The following PEX1 variants were observed in gnomAD, a reference collection of about 807,000 sequenced individuals.
PEX1 encodes the protein peroxisomal ATPase PEX1.
A neutral mutation model predicts 152.5 loss-of-function variants in PEX1; 97 were observed. The ratio of observed to expected loss-of-function variants is 0.64; its 90% confidence interval spans 0.54 to 0.75. The LOEUF is 0.75. PEX1 is among the 30% of genes least tolerant of loss of function. The pLI is 0.00. For missense variants in PEX1, 1,357 were observed against 1,516.3 expected, an observed-to-expected ratio of 0.89 and a Z score of 1.74; for synonymous variants, 485 against 531.6, an observed-to-expected ratio of 0.91 and a Z score of 1.21.
intron 1 of PEX1, among the ~76,000 whole-genome samples, chr7:92,524,887 C>T (rs866112613): frequency 1.1e-4 from 16 of 152,158 alleles, no homozygotes; most frequent in Middle Eastern, 3.4e-3. Flanking sequence ...TCATCAGAGT[C>T]AGCAATACAT....
rs1791924277 is a variant in PEX1, at chr7:92,501,507, CTTGG to C, written c.2579_2582del (p.Ala860GlyfsTer30). The C allele has an allele frequency of 1.2e-6, 2 of 1,612,368 alleles. No homozygotes were observed. The highest frequency in any genetic ancestry group is 2.2e-5 in the East Asian group (1 of 44,850). On this transcript the variant is annotated frameshift_variant and splice_region_variant, in exon 15 of 24. Transcript: ENST00000248633. LOFTEE classifies it high-confidence loss of function. ...TCACTTTTTCTTTTTTTAAACATAC[CTTGG>C]CAGGTAACTGGATAGTATCCATGAG...
chr7:92,509,868 G>A (rs958560743), intron 8 of PEX1, among the ~76,000 whole-genome samples: 1 of 152,160 alleles, frequency 6.6e-6, no homozygotes, highest in African/African-American at 2.4e-5. Flanking sequence ...TCTTGGCTGG[G>A]TGTGGTGGTT....
At chr7:92,523,754 C>T (rs1793149057) in intron 1 of PEX1, among the ~76,000 whole-genome samples, 1 of 152,064 alleles carries the variant, frequency 6.6e-6, no homozygotes, top group South Asian at 2.1e-4. Flanking sequence ...TCACTTGAGT[C>T]AGGGAGGTTG....
At chr7:92,510,888 T>C (rs1026109829) in intron 8 of PEX1, 56 bp downstream of exon 8, 2 of 949,352 alleles carry the variant, frequency 2.1e-6, no homozygotes, top group Non-Finnish European at 3.4e-6. Flanking sequence ...CATACTTTAT[T>C]ATCAATCATA....
chr7:92,522,692 A>G (rs1165876973), intron 1 of PEX1, among the ~76,000 whole-genome samples: 4 of 152,220 alleles, frequency 2.6e-5, no homozygotes, highest in Non-Finnish European at 5.9e-5. Context: ...ATAAGATATA[A>G]ATTTACTATT....
In PEX1 at chr7:92,490,004, C is replaced by T. The variant is rs1791202364; in HGVS notation, c.3439-93G>A. On this transcript the variant is annotated intron_variant, in intron 21 of 23. Coordinates refer to ENST00000248633, the MANE Select transcript of PEX1 (RefSeq NM_000466.3). Reference sequence around the variant, plus strand: ...AAATATAAAAATTAAACATTTTAAGCAATAAAACATTAACATAGATAAGTA... The same window carrying T: ...AAATATAAAAATTAAACATTTTAAGTAATAAAACATTAACATAGATAAGTA... 4 of 981,880 alleles carry T rather than the reference C, an allele frequency of 4.1e-6. No individual in the cohort carries two copies. The African/African-American group carries it at 6.5e-5, about 16-fold the overall frequency. 60.8% of individuals were successfully genotyped at this position (981,880 alleles called of 1,614,324 possible).
Position 92,487,301 on chromosome 7 carries a change from C to T in PEX1, c.*156G>A. The T allele has an allele frequency of 9.3e-6, 5 of 537,690 alleles. No individual in the cohort carries two copies. Among genetic ancestry groups the T allele is most frequent in the Admixed American group, 3.4e-5 (1 of 29,432 alleles). The allele number at this position is 537,690 out of a possible 1,614,324, so 33.3% of individuals were successfully genotyped here. On this transcript the variant is annotated 3_prime_UTR_variant, in exon 24 of 24. Coordinates refer to ENST00000248633, the MANE Select transcript of PEX1 (RefSeq NM_000466.3). Reference sequence around the variant, plus strand: ...CTACAGTATTAATCTCAATCCTGATCATTACATAATTATAGCATTTACCAA... The same window carrying T: ...CTACAGTATTAATCTCAATCCTGATTATTACATAATTATAGCATTTACCAA...
At chr7:92,501,240 CTTGAGCCCAGGAGT>C (rs988310908) in intron 15 of PEX1, among the ~76,000 whole-genome samples, 3 of 152,152 alleles carry the variant, frequency 2.0e-5, no homozygotes, top group African/African-American at 4.8e-5. Flanking sequence ...AGGAGGATTG[CTTGAGCCCAGGAGT>C]TTGAGGTTGC....
intron 6 of PEX1, 59 bp from the exon 7 acceptor site, chr7:92,511,762 C>G: frequency 6.9e-7 from 1 of 1,459,040 alleles, no homozygotes; most frequent in African/African-American, 1.4e-5. Context: ...CTTTAACACC[C>G]TTATTTTAAC....
chr7:92,501,569 TGTC>T lies in PEX1; in HGVS notation c.2518_2520del (p.Asp840del), dbSNP rs1385204416. On this transcript the variant is annotated inframe_deletion, in exon 15 of 24. Coordinates refer to ENST00000248633, the MANE Select transcript of PEX1 (RefSeq NM_000466.3). Reference sequence around the variant, plus strand: ...CTAACTTCATGTAACCCACCAATCTTGTCCCAACCCAGGTCTCTAGGTTTATGC... The same window carrying T: ...CTAACTTCATGTAACCCACCAATCTTCCAACCCAGGTCTCTAGGTTTATGC... 1.2e-6 allele frequency: 2 copies of T among 1,613,868 alleles called. No individual in the cohort carries two copies. Among genetic ancestry groups the T allele is most frequent in the East Asian group, 4.5e-5 (2 of 44,886 alleles).
chr7:92,491,208 G>A (rs560401653), intron 21 of PEX1, 64 bp downstream of exon 21: 4 of 1,150,248 alleles, frequency 3.5e-6, no homozygotes, highest in Non-Finnish European at 5.3e-6. Flanking sequence ...AGAAATCACT[G>A]CAACTTTACA....
chr7:92,504,973 A>C, intron 11 of PEX1, 71 bp from the exon 12 acceptor site: 1 of 1,124,420 alleles, frequency 8.9e-7, no homozygotes, highest in South Asian at 1.2e-5. Context: ...GTCCTTTTGA[A>C]AGCACTAGAA....
chr7:92,504,794 A>T lies in PEX1; in HGVS notation c.2009T>A (p.Leu670Gln). 1 of 1,614,208 alleles carries T rather than the reference A, an allele frequency of 6.2e-7. No homozygotes were observed. The highest frequency in any genetic ancestry group is 8.5e-7 in the Non-Finnish European group (1 of 1,180,016). Reference sequence around the variant, plus strand: ...GTGCTCATGTTCCGGGACAGCAGGCAGTCCAGCAATGAGGTCAAGGTCATC... The same window carrying T: ...GTGCTCATGTTCCGGGACAGCAGGCTGTCCAGCAATGAGGTCAAGGTCATC... ...LLDDLDLIAG[L>Q]PAVPEHEHSP... The change falls in exon 12 of 24, where the codon CTG becomes CAG. Residue 670 changes from leucine (L) to glutamine (Q), a missense_variant. Leu to Gln is a moderately radical substitution (Grantham distance 113). Coordinates refer to ENST00000248633, the MANE Select transcript of PEX1 (RefSeq NM_000466.3).
chr7:92,518,641 C>T (rs1294543275), intron 3 of PEX1, among the ~76,000 whole-genome samples: 1 of 152,238 alleles, frequency 6.6e-6, no homozygotes, highest in African/African-American at 2.4e-5. Context: ...AAGATCCTGA[C>T]TCACTGCAGC....
intron 1 of PEX1, among the ~76,000 whole-genome samples, chr7:92,524,258 G>A (rs1034507564): frequency 6.9e-6 from 1 of 143,998 alleles, no homozygotes; most frequent in African/African-American, 2.6e-5. Flanking sequence ...CAGTCTTTAT[G>A]TTTCTTGCTT....
At chr7:92,521,494 G>A (rs1446866623) in intron 2 of PEX1, among the ~76,000 whole-genome samples, 2 of 151,792 alleles carry the variant, frequency 1.3e-5, no homozygotes, top group East Asian at 3.9e-4. Context: ...AAGTGCAGCA[G>A]TGCAATCTCA....
chr7:92,512,064 G>A (rs1036994240), intron 6 of PEX1, among the ~76,000 whole-genome samples: 1 of 152,122 alleles, frequency 6.6e-6, no homozygotes, highest in Non-Finnish European at 1.5e-5. Flanking sequence ...ACAGAATCTC[G>A]CTGTATCGCC....
chr7:92,508,054 C>T (rs1237513795), intron 9 of PEX1, among the ~76,000 whole-genome samples: 3 of 152,092 alleles, frequency 2.0e-5, no homozygotes, highest in Non-Finnish European at 4.4e-5. Context: ...CCTCTAGCCC[C>T]CAAATGATTT....
intron 12 of PEX1, 75 bp from the exon 13 acceptor site, chr7:92,503,270 A>G: frequency 1.6e-6 from 2 of 1,270,258 alleles, no homozygotes; most frequent in Non-Finnish European, 1.1e-6. Context: ...TTCATTAAAA[A>G]TAATGATACT....
Sources: allele counts gnomAD v4.1 joint callset (sites outside exome capture counted in the v4.1 genomes callset), GRCh38; gene constraint gnomAD v4.1.1; transcripts MANE v1.5; gene names NCBI Gene and HGNC (gene_info 2026-07-23, HGNC 2026-07-21).